The following MYO18A variants were observed in gnomAD, a reference collection of about 807,000 sequenced individuals.
MYO18A encodes the protein myosin XVIIIA.
In MYO18A, 78 loss-of-function variants were observed where a neutral mutation model predicts 235.8. The observed-to-expected ratio is 0.33, with a 90% CI of 0.28 to 0.40. MYO18A has a LOEUF of 0.40. MYO18A is among the 10% of genes least tolerant of loss of function. The pLI, the probability that MYO18A is intolerant of heterozygous loss-of-function variation, is 1.00. For synonymous variants in MYO18A, 977 were observed against 1,077.8 expected (o/e 0.91, Z 1.83); for missense variants, 2,215 against 2,699.3 (o/e 0.82, Z 3.98).
intron 2 of MYO18A, among the ~76,000 whole-genome samples, chr17:29,147,980 G>A (rs1285778769): frequency 1.3e-5 from 2 of 151,996 alleles, no homozygotes; most frequent in African/African-American, 4.8e-5. Context: ...CAGTTGATGG[G>A]GAAGAGAGGG....
At chr17:29,152,749 T>A (rs1277675708) in intron 2 of MYO18A, among the ~76,000 whole-genome samples, 2 of 151,842 alleles carry the variant, frequency 1.3e-5, no homozygotes, top group Non-Finnish European at 2.9e-5. Context: ...TTAAACAGGA[T>A]CTCATTCTGT....
chr17:29,170,556 C>T (rs1445306589), intron 1 of MYO18A, among the ~76,000 whole-genome samples: 1 of 152,204 alleles, frequency 6.6e-6, no homozygotes, highest in African/African-American at 2.4e-5. Context: ...CATTCCTCTC[C>T]TACCCTCTCC....
Position 29,149,176 on chromosome 17 carries a change from C to T in MYO18A, c.999+16766G>A, listed in dbSNP as rs545428979. Among the ~76,000 whole-genome samples the T allele has an allele frequency of 1.6e-3, 237 of 152,364 alleles. 7 individuals are homozygous for T. Among genetic ancestry groups the T allele is most frequent in the Admixed American group, 0.015 (233 of 15,314 alleles). Reference sequence around the variant, plus strand: ...GGGCTGCGGCGGCAAGATGGCCTCTCGCCGTCCCCAGGACGCGTAGGGCAA... The same window carrying T: ...GGGCTGCGGCGGCAAGATGGCCTCTTGCCGTCCCCAGGACGCGTAGGGCAA... On this transcript the variant is annotated intron_variant, in intron 2 of 41. Coordinates refer to ENST00000527372, the MANE Select transcript of MYO18A (RefSeq NM_078471.4).
At position 29,086,546 on chromosome 17, in the gene MYO18A, T is replaced by A; in HGVS notation, c.5744A>T (p.Asn1915Ile). 6.2e-7 allele frequency: 1 copy of A among 1,613,274 alleles called. No homozygotes were observed. Among genetic ancestry groups the A allele is most frequent in the Non-Finnish European group, 8.5e-7 (1 of 1,179,636 alleles). Residue 1915 changes from asparagine to isoleucine, a missense_variant, in exon 39 of 42, where the codon AAC (asparagine) becomes ATC (isoleucine). Coordinates refer to ENST00000527372, the MANE Select transcript of MYO18A (RefSeq NM_078471.4). Reference protein sequence around the residue: ...EMDLESLEAANQSLQADLKLA... With the variant: ...EMDLESLEAAIQSLQADLKLA... ...CTTTAGGTCAGCCTGCAGGCTCTGGTTAGCAGCCTCCAGGCTTTCTAGATC... is the reference window on the plus strand; with the variant it reads ...CTTTAGGTCAGCCTGCAGGCTCTGGATAGCAGCCTCCAGGCTTTCTAGATC...
At chr17:29,179,259 A>G (rs2068596345) in intron 1 of MYO18A, among the ~76,000 whole-genome samples, 1 of 149,886 alleles carries the variant, frequency 6.7e-6, no homozygotes, top group Non-Finnish European at 1.5e-5. Flanking sequence ...CTTCCTCCCC[A>G]TCTCCCCCAC....
chr17:29,092,547 C>T (rs955198122), intron 33 of MYO18A, 91 bp from the exon 34 acceptor site: 10 of 1,014,024 alleles, frequency 9.9e-6, no homozygotes, highest in Non-Finnish European at 1.3e-5. Context: ...CTCGGATGCC[C>T]TCCTTCTCCT....
At chr17:29,138,256 G>A (rs79340364) in intron 2 of MYO18A, among the ~76,000 whole-genome samples, 155 of 152,234 alleles carry the variant, frequency 1.0e-3, no homozygotes, top group African/African-American at 3.5e-3. Flanking sequence ...GCAAGCCCCC[G>A]AGAGCAGCAG....
chr17:29,116,647 G>A (rs1191584024), intron 10 of MYO18A, among the ~76,000 whole-genome samples, 192 bp from the exon 11 acceptor site: 2 of 71,374 alleles, frequency 2.8e-5, no homozygotes, highest in Admixed American at 1.4e-4. Flanking sequence ...GTATGTTTGT[G>A]GGTGTAATCA....
chr17:29,105,592 G>C (rs137891382), intron 20 of MYO18A, among the ~76,000 whole-genome samples: 9 of 152,134 alleles, frequency 5.9e-5, no homozygotes, highest in Non-Finnish European at 8.8e-5. Context: ...AAGGAGGCTA[G>C]GGAAGAGAGG....
chr17:29,114,826 C>G (rs1014657711), intron 14 of MYO18A, 81 bp downstream of exon 14: 1 of 1,407,824 alleles, frequency 7.1e-7, no homozygotes, highest in Non-Finnish European at 9.6e-7. Flanking sequence ...TAAGGTGATG[C>G]CTTCTGCATC....
In MYO18A at chr17:29,166,193, A is replaced by T; in HGVS notation, c.748T>A (p.Cys250Ser). The change falls in exon 2 of 42, where the codon TGT becomes AGT. Residue 250 changes from cysteine (C) to serine (S), a missense_variant. By Grantham distance (112) the Cys-to-Ser change is moderately radical. Coordinates refer to ENST00000527372, the MANE Select transcript of MYO18A (RefSeq NM_078471.4). ...TCAGCAAAGTGGACCACACGCCGAC[A>T]GGCCTGGCCCTCGGGGCCCCGATCC... is the stretch of plus-strand genomic sequence containing the variant. ...MLDRGPEGQA[C>S]RRVVHFAEPG... is the part of the protein sequence containing the mutation. 6.2e-7 allele frequency: 1 copy of T among 1,612,878 alleles called. No individual in the cohort carries two copies. The highest frequency in any genetic ancestry group is 8.5e-7 in the Non-Finnish European group (1 of 1,179,892).
Position 29,121,771 on chromosome 17 carries a change from TCCGCTGCCAGAGGATGGGCCTGC to T in MYO18A, c.1194+57_1195-49del. The T allele has an allele frequency of 6.2e-7, 1 of 1,602,442 alleles. No homozygotes were observed. The highest frequency in any genetic ancestry group is 8.5e-7 in the Non-Finnish European group (1 of 1,173,006). On this transcript the variant is annotated intron_variant, in intron 4 of 41. Coordinates refer to ENST00000527372, the MANE Select transcript of MYO18A (RefSeq NM_078471.4). This position sits in a 1 kb window ranked among gnomAD's most constrained non-coding sequence, Gnocchi z 4.2. ...GGGTATTAGAGCAGCAGAGCCCATC[TCCGCTGCCAGAGGATGGGCCTGC>T]CCTGCCCAGTGCACTCCTGAGCCTC... is the stretch of plus-strand genomic sequence containing the variant.
chr17:29,124,521 G>T, intron 2 of MYO18A: 1 of 572,846 alleles, frequency 1.7e-6, no homozygotes, highest in Non-Finnish European at 2.5e-6. Context: ...CAGGGTGGGA[G>T]CCTGGAGGGG....
chr17:29,088,755 T>G (rs1356455224), intron 37 of MYO18A, among the ~76,000 whole-genome samples: 6 of 152,146 alleles, frequency 3.9e-5, no homozygotes, highest in Non-Finnish European at 8.8e-5. Flanking sequence ...GAAAAAGGAT[T>G]GGTCCAGCAT....
chr17:29,162,229 G>C (rs1436678078), intron 2 of MYO18A, among the ~76,000 whole-genome samples: 2 of 152,224 alleles, frequency 1.3e-5, no homozygotes, highest in African/African-American at 4.8e-5. Flanking sequence ...TAAGCAGCCA[G>C]AGTGATTTCC....
chr17:29,097,668 TTC>T, intron 26 of MYO18A, 118 bp downstream of exon 26: 1 of 859,920 alleles, frequency 1.2e-6, no homozygotes, highest in Non-Finnish European at 1.8e-6. Flanking sequence ...TCTCATCTGT[TTC>T]TTTCAGTTTA....
Position 29,071,337 on chromosome 17 carries a change from T to A in MYO18A, c.*3433A>T, listed in dbSNP as rs551225963. 6 of 152,276 alleles carry A rather than the reference T, an allele frequency of 3.9e-5. No individual in the cohort carries two copies. The highest frequency in any genetic ancestry group is 1.4e-4 in the African/African-American group (6 of 41,558). The allele number at this position is 152,276 out of a possible 1,614,324, so 9.4% of individuals were successfully genotyped here. A position where few individuals can be genotyped will look rare whatever the true frequency, so the allele number is the denominator to read the frequency against. The stretch of plus-strand genomic sequence containing the variant: ...TCTTAGGGACCAGAGGTACCATGAG[T>A]GTACAGGTAAGGTCAACAGCAGAGC... On this transcript the variant is annotated 3_prime_UTR_variant, in exon 42 of 42. Coordinates refer to ENST00000527372, the MANE Select transcript of MYO18A (RefSeq NM_078471.4).
At chr17:29,130,756 G>C (rs1253973537) in intron 2 of MYO18A, among the ~76,000 whole-genome samples, 4 of 152,176 alleles carry the variant, frequency 2.6e-5, no homozygotes, top group Non-Finnish European at 5.9e-5. Context: ...CTTTGGACTT[G>C]GCTATTCAGA....
At chr17:29,089,060 A>AG (rs1555623445) in intron 37 of MYO18A, among the ~76,000 whole-genome samples, 20 of 150,478 alleles carry the variant, frequency 1.3e-4, no homozygotes, top group East Asian at 1.2e-3. Context: ...AAAAAAAAAA[A>AG]GGGGAAGAAG....
Sources: gnomAD v4.1 joint callset for allele counts (sites outside exome capture counted in the v4.1 genomes callset) on GRCh38, gnomAD v4.1.1 for gene constraint, Gnocchi (gnomAD v3.1) non-coding constraint, MANE v1.5 for transcripts, NCBI Gene and HGNC (gene_info 2026-07-23, HGNC 2026-07-21) for gene names.